The following AAK1 variants were observed in gnomAD, a reference collection of about 807,000 sequenced individuals.
AAK1 encodes the protein AP2-associated protein kinase 1.
Under a neutral mutation model 116.0 loss-of-function variants are expected in AAK1, and 37 were observed. The ratio of observed to expected loss-of-function variants is 0.32; its 90% CI spans 0.25 to 0.42. The LOEUF (loss-of-function observed/expected upper bound fraction) is 0.42, where lower values mean the gene tolerates loss of function less well. Among genes scored for constraint, AAK1 ranks in the 10% least tolerant of loss-of-function variants. AAK1 has a pLI of 1.00. For missense variants in AAK1, 919 were observed against 1,170.6 expected (o/e 0.79, Z 3.14); for synonymous variants, 458 against 439.9 (o/e 1.04, Z -0.51).
At chr2:69,598,217 G>A (rs1298597881) in intron 2 of AAK1, 2 of 640,254 alleles carry the variant, frequency 3.1e-6, no homozygotes, top group East Asian at 6.5e-5. Context: ...TTGAAATTTA[G>A]TAAAGTATCT....
chr2:69,490,951 T>G (rs1431497841), intron 17 of AAK1, among the ~76,000 whole-genome samples: 1 of 141,532 alleles, frequency 7.1e-6, no homozygotes, highest in Non-Finnish European at 1.5e-5. Flanking sequence ...ACACACTTTT[T>G]AAGAGACAGG....
chr2:69,484,665 A>C (rs1368242451), intron 17 of AAK1, among the ~76,000 whole-genome samples: 1 of 152,068 alleles, frequency 6.6e-6, no homozygotes, highest in African/African-American at 2.4e-5. Flanking sequence ...GTGGTAGTGC[A>C]TGCCTATAGT....
chr2:69,543,285 A>G (rs1405248475), intron 4 of AAK1, among the ~76,000 whole-genome samples: 4 of 152,232 alleles, frequency 2.6e-5, no homozygotes, highest in Admixed American at 2.6e-4. Flanking sequence ...AGCAGGAGGA[A>G]ACAAACGGTC....
chr2:69,544,605 C>G (rs899519158), intron 3 of AAK1, 61 bp from the exon 4 acceptor site: 4 of 1,186,340 alleles, frequency 3.4e-6, no homozygotes, highest in Non-Finnish European at 5.0e-6. Flanking sequence ...CAGAATTAGC[C>G]AGTCAGTTCC....
At chr2:69,510,849 A>G (rs1243703158) in intron 13 of AAK1, among the ~76,000 whole-genome samples, 1 of 152,100 alleles carries the variant, frequency 6.6e-6, no homozygotes, top group Non-Finnish European at 1.5e-5. Context: ...AGAGAATATA[A>G]GAAGAAGAAA....
chr2:69,518,752 G>C (rs1676697016), intron 12 of AAK1, among the ~76,000 whole-genome samples: 1 of 152,188 alleles, frequency 6.6e-6, no homozygotes, highest in South Asian at 2.1e-4. Context: ...TCCTCAATCA[G>C]ATGACAGATT....
At position 69,472,924 on chromosome 2, in the gene AAK1, A is replaced by C; in HGVS notation, c.*2945T>G. On this transcript the variant is annotated 3_prime_UTR_variant, in exon 22 of 22. Coordinates refer to ENST00000409085, the MANE Select transcript of AAK1 (RefSeq NM_014911.5). ...TCAGATAATCAAGAAAGAGCAAGTT[A>C]GTAAAAGCCCATTATAATTCTTTAA... The C allele has an allele frequency of 1.0e-6, 1 of 985,798 alleles. No homozygotes were observed. Among genetic ancestry groups the C allele is most frequent in the African/African-American group, 1.7e-5 (1 of 57,378 alleles). The allele number at this position is 985,798 out of a possible 1,614,324, so 61.1% of individuals were successfully genotyped here. A position where few individuals can be genotyped will look rare whatever the true frequency, so the allele number is the denominator to read the frequency against.
rs578157998 is a variant in AAK1 at position 69,568,572 on chromosome 2, A to AG, written c.164-11595dup. Among the ~76,000 whole-genome samples, 673 of 152,016 alleles carry AG rather than the reference A, an allele frequency of 4.4e-3. 27 individuals are homozygous for AG. The highest frequency in any genetic ancestry group is 0.04 in the Admixed American group (618 of 15,260). On this transcript the variant is annotated intron_variant, in intron 2 of 21. Coordinates refer to ENST00000409085, the MANE Select transcript of AAK1 (RefSeq NM_014911.5). ...CAGCTTCCCAAGTGGCTGAGACTAG[A>AG]GGTGCATGCCACCACACCCAACTAA...
At chr2:69,512,748 T>C (rs988023688) in intron 13 of AAK1, among the ~76,000 whole-genome samples, 2 of 152,228 alleles carry the variant, frequency 1.3e-5, no homozygotes, top group South Asian at 2.1e-4. Flanking sequence ...GTGTTCAAAG[T>C]GTTTTTTCAT....
At chr2:69,599,827 G>C (rs1673480510) in intron 2 of AAK1, among the ~76,000 whole-genome samples, 1 of 152,160 alleles carries the variant, frequency 6.6e-6, no homozygotes, top group South Asian at 2.1e-4. Flanking sequence ...ACTGAGGCTG[G>C]AGTGCAGTGG....
chr2:69,553,309 C>T (rs921836115), intron 3 of AAK1, among the ~76,000 whole-genome samples: 51 of 152,034 alleles, frequency 3.4e-4, no homozygotes, highest in Admixed American at 2.4e-3. Context: ...CCAAGAGCAA[C>T]ACTGAAAGCT....
chr2:69,620,366 ACCT>A (rs1191188072), intron 2 of AAK1, among the ~76,000 whole-genome samples: 2 of 151,728 alleles, frequency 1.3e-5, no homozygotes, highest in African/African-American at 4.8e-5. Context: ...CTCTCCCCTG[ACCT>A]CCTCTCTCTA....
intron 10 of AAK1, among the ~76,000 whole-genome samples, chr2:69,522,885 C>G (rs936977125): frequency 6.6e-6 from 1 of 151,936 alleles, no homozygotes; most frequent in African/African-American, 2.4e-5. Flanking sequence ...AACAGCACAA[C>G]CTCCATGTTG....
rs772961337 is a variant in AAK1 at position 69,466,215 on chromosome 2, G to A, written c.*9654C>T. ...TTGCACTGTCTTTGCTTGCTCAGGA[G>A]AGACTTCTGGTGGAGCGAATGGAAC... On this transcript the variant is annotated 3_prime_UTR_variant, in exon 22 of 22. Coordinates refer to ENST00000409085, the MANE Select transcript of AAK1 (RefSeq NM_014911.5). 1 of 1,289,798 alleles carries A rather than the reference G, an allele frequency of 7.8e-7. No individual in the cohort carries two copies. The highest frequency in any genetic ancestry group is 1.2e-5 in the South Asian group (1 of 81,020). 79.9% of individuals were successfully genotyped at this position (1,289,798 alleles called of 1,614,324 possible). A position where few individuals can be genotyped will look rare whatever the true frequency, so the allele number is the denominator to read the frequency against.
chr2:69,477,284 A>C (rs1674890825), intron 20 of AAK1, among the ~76,000 whole-genome samples: 1 of 152,170 alleles, frequency 6.6e-6, no homozygotes, highest in African/African-American at 2.4e-5. Flanking sequence ...GTATCTCTTC[A>C]TTGTCACTAA....
At chr2:69,604,163 C>G (rs995532000) in intron 2 of AAK1, among the ~76,000 whole-genome samples, 2 of 152,196 alleles carry the variant, frequency 1.3e-5, no homozygotes, top group African/African-American at 4.8e-5. Context: ...GCCTTTGATG[C>G]ACCTCAATGC....
intron 2 of AAK1, among the ~76,000 whole-genome samples, chr2:69,589,109 C>A (rs1243230196): frequency 1.3e-5 from 2 of 152,156 alleles, no homozygotes; most frequent in East Asian, 3.9e-4. Flanking sequence ...AGGTGAGAAA[C>A]CAGAGTTTTC....
chr2:69,621,344 T>C (rs1001555239), intron 2 of AAK1, among the ~76,000 whole-genome samples: 5 of 152,062 alleles, frequency 3.3e-5, no homozygotes, highest in Non-Finnish European at 1.5e-5. Flanking sequence ...CCGGGCTTGG[T>C]GGTGTGCACC....
intron 2 of AAK1, among the ~76,000 whole-genome samples, chr2:69,614,129 G>A (rs1009306664): frequency 6.6e-6 from 1 of 152,224 alleles, no homozygotes; most frequent in East Asian, 1.9e-4. Context: ...CCACTATCAG[G>A]TGAGTCAGCT....
Sources: allele counts gnomAD v4.1 joint callset (sites outside exome capture counted in the v4.1 genomes callset), GRCh38; gene constraint gnomAD v4.1.1; transcripts MANE v1.5; gene names NCBI Gene and HGNC (gene_info 2026-07-23, HGNC 2026-07-21).